Variants in MLLT3 observed in about 807,000 individuals in gnomAD.
MLLT3 encodes the protein MLLT3 super elongation complex subunit, also known as protein AF-9.
In MLLT3, 4 loss-of-function variants were observed where a neutral mutation model predicts 53.2. The observed-to-expected ratio is 0.08, with a 90% CI of 0.04 to 0.17. The LOEUF (loss-of-function observed/expected upper bound fraction) is 0.17. MLLT3 is among the 10% of genes least tolerant of loss of function. MLLT3 has a pLI of 1.00. For missense variants in MLLT3, 569 were observed against 684.0 expected (o/e 0.83, Z 1.87); for synonymous variants, 283 against 230.6 (o/e 1.23, Z -2.06).
intron 2 of MLLT3, among the ~76,000 whole-genome samples, chr9:20,500,889 T>G (rs573106942): frequency 6.6e-6 from 1 of 152,294 alleles, no homozygotes; most frequent in South Asian, 2.1e-4. Context: ...TTCTTTAAGT[T>G]CAATGCCCAG....
chr9:20,382,927 A>G (rs533290218), intron 5 of MLLT3, among the ~76,000 whole-genome samples: 3 of 151,988 alleles, frequency 2.0e-5, no homozygotes, highest in East Asian at 3.9e-4. Flanking sequence ...TGCCCATCCT[A>G]TCAGTAATAG....
At chr9:20,557,817 C>T (rs960603060) in intron 2 of MLLT3, among the ~76,000 whole-genome samples, 5 of 151,990 alleles carry the variant, frequency 3.3e-5, no homozygotes, top group African/African-American at 7.3e-5. Context: ...CAAAAAGTAC[C>T]GGGAGAGGGC....
intron 2 of MLLT3, among the ~76,000 whole-genome samples, chr9:20,534,273 A>G (rs1818421140): frequency 6.6e-6 from 1 of 152,226 alleles, no homozygotes. Context: ...AAGTCAAATG[A>G]ACAGCAATGG....
At position 20,621,983 on chromosome 9, in the gene MLLT3, AGGAG is replaced by A. The variant is rs1821028323; in HGVS notation, c.12+258_12+261del. The A allele has an allele frequency of 1.5e-6, 2 of 1,322,118 alleles. No individual in the cohort carries two copies. The highest frequency in any genetic ancestry group is 3.3e-5 in the South Asian group (2 of 60,322). 81.9% of individuals were successfully genotyped at this position (1,322,118 alleles called of 1,614,324 possible). A position where few individuals can be genotyped will look rare whatever the true frequency, so the allele number is the denominator to read the frequency against. ...CGCTTCTTGTGACTGCAAAGAGGCG[AGGAG>A]GGAGGGAGGCGCGGGGGGTGGAGGG... On this transcript the variant is annotated intron_variant, in intron 1 of 10. Coordinates refer to ENST00000380338, the MANE Select transcript of MLLT3 (RefSeq NM_004529.4). The surrounding 1 kb of genome is among the most constrained non-coding windows in gnomAD (Gnocchi z 7.0).
intron 7 of MLLT3, among the ~76,000 whole-genome samples, chr9:20,362,131 C>G (rs1359576184): frequency 6.6e-6 from 1 of 152,192 alleles, no homozygotes; most frequent in Non-Finnish European, 1.5e-5. Context: ...TCAAATGTTA[C>G]ACTGGCACTG....
intron 4 of MLLT3, among the ~76,000 whole-genome samples, chr9:20,432,976 T>G (rs533849886): frequency 1.7e-3 from 256 of 152,248 alleles, no homozygotes; most frequent in African/African-American, 5.7e-3. Flanking sequence ...AGTAGGCACC[T>G]GGGGATACCA....
At chr9:20,501,771 A>C (rs1166183040) in intron 2 of MLLT3, among the ~76,000 whole-genome samples, 1 of 145,050 alleles carries the variant, frequency 6.9e-6, no homozygotes, top group Non-Finnish European at 1.5e-5. Context: ...AAAAAAAAAA[A>C]AAAAAAAAAA....
At chr9:20,553,328 T>C (rs902282655) in intron 2 of MLLT3, among the ~76,000 whole-genome samples, 20 of 152,186 alleles carry the variant, frequency 1.3e-4, no homozygotes, top group Non-Finnish European at 2.9e-5. Context: ...TATATGCATA[T>C]CCACAAGGAG....
intron 2 of MLLT3, among the ~76,000 whole-genome samples, chr9:20,580,724 GA>G (rs1819769879): frequency 6.6e-6 from 1 of 152,148 alleles, no homozygotes; most frequent in African/African-American, 2.4e-5. Context: ...AACATGGCTA[GA>G]GGTAAAGCCT....
chr9:20,529,635 G>T (rs753619547), intron 2 of MLLT3, among the ~76,000 whole-genome samples: 10 of 149,958 alleles, frequency 6.7e-5, no homozygotes, highest in Non-Finnish European at 4.4e-5. Context: ...GCTGTTTCAT[G>T]ATTTTATTTT....
intron 3 of MLLT3, 125 bp downstream of exon 3, chr9:20,456,579 A>T (rs370763771): frequency 1.5e-6 from 1 of 682,914 alleles, no homozygotes; most frequent in Admixed American, 3.0e-5. Flanking sequence ...TTCCTAGAAG[A>T]CAAATTTAAC....
chr9:20,399,891 G>A (rs375390350), intron 5 of MLLT3, among the ~76,000 whole-genome samples: 3 of 152,156 alleles, frequency 2.0e-5, no homozygotes, highest in East Asian at 1.9e-4. Flanking sequence ...CTGCTGGTTT[G>A]GGGGGAGAAA....
chr9:20,387,677 G>A (rs1183016708), intron 5 of MLLT3, among the ~76,000 whole-genome samples: 2 of 152,084 alleles, frequency 1.3e-5, no homozygotes, highest in East Asian at 1.9e-4. Context: ...TTATATTGTT[G>A]AATGTATACA....
At chr9:20,585,245 G>A (rs1819921812) in intron 2 of MLLT3, among the ~76,000 whole-genome samples, 1 of 152,126 alleles carries the variant, frequency 6.6e-6, no homozygotes. Flanking sequence ...GGGGCAGGCA[G>A]GCCTCTTTTC....
At chr9:20,554,941 G>A (rs1819016846) in intron 2 of MLLT3, among the ~76,000 whole-genome samples, 1 of 152,210 alleles carries the variant, frequency 6.6e-6, no homozygotes, top group Admixed American at 6.5e-5. Flanking sequence ...ACTGCCTAAT[G>A]AACGGTGGAA....
chr9:20,529,072 C>G (rs1818266986), intron 2 of MLLT3, among the ~76,000 whole-genome samples: 1 of 151,864 alleles, frequency 6.6e-6, no homozygotes, highest in Non-Finnish European at 1.5e-5. Context: ...GTTATCAACT[C>G]TGACTGAACA....
At chr9:20,351,192 G>C (rs1313373350) in intron 10 of MLLT3, among the ~76,000 whole-genome samples, 1 of 152,190 alleles carries the variant, frequency 6.6e-6, no homozygotes, top group East Asian at 1.9e-4. Context: ...TGGGTTCTTA[G>C]AAGGAATATT....
intron 2 of MLLT3, among the ~76,000 whole-genome samples, chr9:20,488,989 T>G (rs901282241): frequency 3.3e-5 from 5 of 152,200 alleles, no homozygotes; most frequent in African/African-American, 1.2e-4. Context: ...AGGTATTTCA[T>G]TTTATCTGTC....
At chr9:20,433,886 G>T (rs1387539940) in intron 4 of MLLT3, among the ~76,000 whole-genome samples, 1 of 151,544 alleles carries the variant, frequency 6.6e-6, no homozygotes, top group Non-Finnish European at 1.5e-5. Context: ...AGGCCGAGGT[G>T]AGCAGATCAT....
Sources: gnomAD v4.1 joint callset for allele counts (sites outside exome capture counted in the v4.1 genomes callset) on GRCh38, gnomAD v4.1.1 for gene constraint, Gnocchi (gnomAD v3.1) non-coding constraint, MANE v1.5 for transcripts, NCBI Gene and HGNC (gene_info 2026-07-23, HGNC 2026-07-21) for gene names.